XKR9: variants seen among roughly 807,000 people sequenced by gnomAD.
XKR9 encodes XK related 9, also known as XK-related protein 9.
A neutral mutation model predicts 32.0 loss-of-function variants in XKR9; 32 were observed. The observed-to-expected ratio is 1.00, with a 90% confidence interval of 0.76 to 1.34. XKR9 has a LOEUF of 1.34. Among genes scored for constraint, XKR9 ranks in the 40% most tolerant of loss-of-function variants. The pLI is 0.00. For synonymous variants in XKR9, 168 were observed against 143.4 expected, an observed-to-expected ratio of 1.17 and a Z score of -1.22; for missense variants, 546 against 429.7, an observed-to-expected ratio of 1.27 and a Z score of -2.39.
chr8:70,747,799 G>A (rs1274483446), intron 2 of XKR9, among the ~76,000 whole-genome samples: 1 of 152,152 alleles, frequency 6.6e-6, no homozygotes, highest in Non-Finnish European at 1.5e-5. Context: ...CCAAAGACTG[G>A]AGTTTGATTC....
intron 3 of XKR9, among the ~76,000 whole-genome samples, chr8:70,699,767 C>A (rs537625337): frequency 5.9e-5 from 9 of 152,320 alleles, no homozygotes; most frequent in African/African-American, 2.2e-4. Flanking sequence ...GGATAATATC[C>A]TGCAGAGTGT....
the XKR9 span, among the ~76,000 whole-genome samples, chr8:70,852,721 C>A: frequency 6.6e-6 from 1 of 152,046 alleles, no homozygotes; most frequent in Non-Finnish European, 1.5e-5. Flanking sequence ...AGCTGGAAAT[C>A]ATCATTCTCA....
At chr8:70,784,861 T>G (rs1197443346) in intron 2 of XKR9, among the ~76,000 whole-genome samples, 4 of 152,070 alleles carry the variant, frequency 2.6e-5, no homozygotes, top group South Asian at 2.1e-4. Flanking sequence ...TGTGTTGTGA[T>G]ACATTTCTTC....
At chr8:70,702,830 A>G (rs1480563428) in intron 3 of XKR9, among the ~76,000 whole-genome samples, 1 of 152,136 alleles carries the variant, frequency 6.6e-6, no homozygotes, top group East Asian at 1.9e-4. Flanking sequence ...ATGAATTTGT[A>G]TCTTGCTTTT....
At chr8:71,006,147 C>A in the XKR9 span, among the ~76,000 whole-genome samples, 1 of 152,168 alleles carries the variant, frequency 6.6e-6, no homozygotes, top group Admixed American at 6.5e-5. Context: ...AGTTAAATGG[C>A]TGGGAATTGT....
At chr8:71,016,924 T>G in the XKR9 span, among the ~76,000 whole-genome samples, 1 of 152,178 alleles carries the variant, frequency 6.6e-6, no homozygotes, top group Non-Finnish European at 1.5e-5. Flanking sequence ...GAATGCCAGT[T>G]TAAATAGGTC....
chr8:70,974,760 T>C, the XKR9 span, among the ~76,000 whole-genome samples: 10 of 152,236 alleles, frequency 6.6e-5, no homozygotes, highest in African/African-American at 2.4e-4. Context: ...TACCCAGTAA[T>C]GGGATTGCTG....
the XKR9 span, among the ~76,000 whole-genome samples, chr8:70,945,602 G>A: frequency 3.4e-4 from 52 of 152,072 alleles, no homozygotes; most frequent in African/African-American, 1.1e-3. Context: ...GATCAAAGGC[G>A]TCTAGACACT....
At chr8:70,821,810 G>A in the XKR9 span, among the ~76,000 whole-genome samples, 4 of 152,128 alleles carry the variant, frequency 2.6e-5, no homozygotes, top group African/African-American at 9.7e-5. Flanking sequence ...CCCTGGGCCC[G>A]GCCCATGAAA....
chr8:70,973,343 C>T, the XKR9 span, among the ~76,000 whole-genome samples: 102,850 of 151,906 alleles, frequency 0.68, 35,279 homozygotes, highest in Admixed American at 0.74. Flanking sequence ...TATTTGGATC[C>T]TCTCTCTTCT....
At chr8:71,019,974 A>C in the XKR9 span, among the ~76,000 whole-genome samples, 1 of 152,168 alleles carries the variant, frequency 6.6e-6, no homozygotes. Context: ...GCAGGGTACT[A>C]TTTTTATGAT....
the XKR9 span, among the ~76,000 whole-genome samples, chr8:70,829,769 C>T: frequency 6.6e-6 from 1 of 152,108 alleles, no homozygotes; most frequent in Non-Finnish European, 1.5e-5. Context: ...TCTAAAAATA[C>T]TTTACCAACT....
At chr8:70,740,669 A>T (rs1806956529), downstream of XKR9, among the ~76,000 whole-genome samples, 1 of 151,996 alleles carries the variant, frequency 6.6e-6, no homozygotes, top group Middle Eastern at 3.2e-3. Flanking sequence ...TCTGTTTGTT[A>T]GTTTTCCTTC....
chr8:70,722,995 C>T (rs140650270), intron 4 of XKR9, among the ~76,000 whole-genome samples: 2,930 of 152,012 alleles, frequency 0.019, 39 homozygotes, highest in South Asian at 0.043. Context: ...TTGTTCATTC[C>T]TTTTCATTTT....
intron 3 of XKR9, among the ~76,000 whole-genome samples, chr8:70,703,791 A>G (rs1413353710): frequency 6.6e-6 from 1 of 152,178 alleles, no homozygotes; most frequent in Non-Finnish European, 1.5e-5. Context: ...TTTTGTTTCA[A>G]ATAAAAGAAG....
chr8:70,818,155 CA>C, the XKR9 span, among the ~76,000 whole-genome samples: 1 of 151,886 alleles, frequency 6.6e-6, no homozygotes, highest in Non-Finnish European at 1.5e-5. Context: ...AGGAAACTAT[CA>C]AGAGAGTGTT....
the XKR9 span, among the ~76,000 whole-genome samples, chr8:71,013,868 A>C: frequency 0.017 from 2,544 of 152,202 alleles, 57 homozygotes; most frequent in African/African-American, 0.058. Flanking sequence ...TTAACTCAAT[A>C]GTGTTTATAC....
chr8:70,859,920 A>G, the XKR9 span, among the ~76,000 whole-genome samples: 2 of 152,126 alleles, frequency 1.3e-5, no homozygotes, highest in African/African-American at 4.8e-5. Flanking sequence ...CCAATGTTCA[A>G]TACCAGAGTA....
intron 2 of XKR9, among the ~76,000 whole-genome samples, chr8:70,676,148 A>C (rs1818879136): frequency 6.6e-6 from 1 of 152,186 alleles, no homozygotes; most frequent in Admixed American, 6.5e-5. Context: ...AAGAGGAAGC[A>C]CGTGTCTCAC....
Sources: allele counts gnomAD v4.1 joint callset (sites outside exome capture counted in the v4.1 genomes callset), GRCh38; gene constraint gnomAD v4.1.1; transcripts MANE v1.5; gene names NCBI Gene and HGNC (gene_info 2026-07-23, HGNC 2026-07-21).